Variants in WDR45B observed in about 807,000 individuals in gnomAD.
WDR45B encodes WD repeat domain 45B, also known as WD repeat domain phosphoinositide-interacting protein 3.
In WDR45B, 20 loss-of-function variants were observed where a neutral mutation model predicts 44.6. The observed-to-expected ratio is 0.45, with a 90% CI of 0.32 to 0.65. The LOEUF is 0.65. WDR45B is among the 30% of genes least tolerant of loss of function. The pLI is 0.05. For missense variants in WDR45B, 323 were observed against 430.2 expected (o/e 0.75, Z 2.20); for synonymous variants, 169 against 164.9 (o/e 1.02, Z -0.19).
chr17:82,626,468 G>C (rs1309970999), intron 4 of WDR45B, among the ~76,000 whole-genome samples: 1 of 139,034 alleles, frequency 7.2e-6, no homozygotes, highest in Non-Finnish European at 1.5e-5. Context: ...GGGAGGCAGA[G>C]GTTACAGTGA....
At chr17:82,640,765 C>T (rs932426643) in intron 2 of WDR45B, among the ~76,000 whole-genome samples, 2 of 152,116 alleles carry the variant, frequency 1.3e-5, no homozygotes, top group East Asian at 3.8e-4. Flanking sequence ...CACATTAGGG[C>T]CTATCTACTC....
intron 5 of WDR45B, 52 bp downstream of exon 5, chr17:82,625,337 C>T: frequency 6.5e-7 from 1 of 1,537,986 alleles, no homozygotes; most frequent in Non-Finnish European, 9.0e-7. Flanking sequence ...CCAGCACAGG[C>T]ATCTCCATGT....
intron 2 of WDR45B, among the ~76,000 whole-genome samples, chr17:82,635,716 C>A (rs376625862): frequency 6.6e-6 from 1 of 151,922 alleles, no homozygotes; most frequent in South Asian, 2.1e-4. Context: ...AGCCACTGTG[C>A]GCAGCCGTCT....
At chr17:82,616,815 A>T (rs1007508333) in intron 8 of WDR45B, among the ~76,000 whole-genome samples, 170 bp from the exon 9 acceptor site, 5 of 151,130 alleles carry the variant, frequency 3.3e-5, no homozygotes, top group South Asian at 2.1e-4. Context: ...AATTTTATTT[A>T]AAAAAAAAAT....
chr17:82,626,777 C>T (rs2045704389), intron 4 of WDR45B: 4 of 258,648 alleles, frequency 1.5e-5, no homozygotes, highest in South Asian at 4.7e-5. Flanking sequence ...CCACCTGCTA[C>T]TTTCAACACA....
intron 2 of WDR45B, among the ~76,000 whole-genome samples, chr17:82,643,208 A>G (rs1381146112): frequency 6.6e-6 from 1 of 152,126 alleles, no homozygotes; most frequent in Non-Finnish European, 1.5e-5. Flanking sequence ...GCCGAGGTGC[A>G]TGGATCATGA....
At chr17:82,643,649 G>A (rs185451053) in intron 2 of WDR45B, among the ~76,000 whole-genome samples, 113 of 152,312 alleles carry the variant, frequency 7.4e-4, no homozygotes, top group Admixed American at 1.1e-3. Context: ...TACTTGAAAA[G>A]AGGTTTCTGC....
Position 82,615,983 on chromosome 17 carries a change from G to A in WDR45B, c.971C>T (p.Pro324Leu), listed in dbSNP as rs1465576012. The A allele has an allele frequency of 6.2e-7, 1 of 1,613,844 alleles. No homozygotes were observed. Among genetic ancestry groups the A allele is most frequent in the East Asian group, 2.2e-5 (1 of 44,850 alleles). The change falls in exon 10 of 10, where the codon CCC (proline) becomes CTC (leucine). Residue 324 changes from proline (P) to leucine (L), a missense_variant. Physicochemically the swap from Pro to Leu is moderately conservative, Grantham distance 98 (BLOSUM62 -3). Transcript: ENST00000392325. The part of the protein sequence containing the change: ...DGSYYKFLFN[P>L]KGECIRDVYA... ...GACATCTCGGATGCACTCCCCCTTG[G>A]GGTTGAACAGGAATTTGTAGTAGCT... is the stretch of plus-strand genomic sequence containing the variant.
chr17:82,641,953 A>G (rs1220780506), intron 2 of WDR45B, among the ~76,000 whole-genome samples: 1 of 139,056 alleles, frequency 7.2e-6, no homozygotes, highest in African/African-American at 2.5e-5. Flanking sequence ...GTGGGAAAAA[A>G]GAGAAAAAAA....
At chr17:82,627,153 C>T in intron 4 of WDR45B, 51 bp downstream of exon 4, 1 of 1,393,836 alleles carries the variant, frequency 7.2e-7, no homozygotes, top group Non-Finnish European at 1.0e-6. Context: ...TTTCAGCCAT[C>T]TTTTGAGAAA....
rs143476986 is a variant in WDR45B at position 82,615,730 on chromosome 17, G to A, written c.*189C>T. ...GCCACTGAGTTACCTACGGTGCCTT[G>A]ATGATGATTCTCTCTTTAATACTGG... On this transcript the variant is annotated 3_prime_UTR_variant, in exon 10 of 10. Coordinates refer to ENST00000392325, the MANE Select transcript of WDR45B (RefSeq NM_019613.4). 1.2e-4 allele frequency: 77 copies of A among 620,552 alleles called. No individual in the cohort carries two copies. The East Asian group carries it at 2.1e-3, about 17-fold the overall frequency. 38.4% of individuals were successfully genotyped at this position (620,552 alleles called of 1,614,324 possible).
intron 5 of WDR45B, among the ~76,000 whole-genome samples, chr17:82,624,568 T>C (rs1437498320): frequency 6.6e-6 from 1 of 151,052 alleles, no homozygotes; most frequent in Non-Finnish European, 1.5e-5. Context: ...CCGACTGTTC[T>C]GTCTTGACTG....
At position 82,615,771 on chromosome 17, in the gene WDR45B, G is replaced by A; in HGVS notation, c.*148C>T. 8.3e-6 allele frequency: 6 copies of A among 722,304 alleles called. No homozygotes were observed. Among genetic ancestry groups the A allele is most frequent in the Admixed American group, 2.1e-5 (1 of 46,772 alleles). 44.7% of individuals were successfully genotyped at this position (722,304 alleles called of 1,614,324 possible). On this transcript the variant is annotated 3_prime_UTR_variant, in exon 10 of 10. Transcript: ENST00000392325. ...TTAATACTGGAAATGGGAGTCCTTA[G>A]GAAAGCAGACAACCACGTATGGCTT...
At chr17:82,634,265 G>A (rs565398046) in intron 2 of WDR45B, among the ~76,000 whole-genome samples, 7 of 150,950 alleles carry the variant, frequency 4.6e-5, no homozygotes, top group East Asian at 2.0e-4. Context: ...CGAGGCAGGC[G>A]AATCATGAGG....
intron 1 of WDR45B, among the ~76,000 whole-genome samples, chr17:82,647,649 G>A (rs994593281): frequency 1.6e-4 from 24 of 152,118 alleles, no homozygotes; most frequent in African/African-American, 2.9e-4. Context: ...AAATCCCGGG[G>A]AGTGGGGGTG....
At chr17:82,646,471 G>A (rs1293976648) in intron 1 of WDR45B, among the ~76,000 whole-genome samples, 1 of 73,262 alleles carries the variant, frequency 1.4e-5, no homozygotes, top group Non-Finnish European at 2.5e-5. Flanking sequence ...TGGGCAACAA[G>A]AGCGAAAACT....
At chr17:82,624,050 G>C (rs1302303693) in intron 5 of WDR45B, among the ~76,000 whole-genome samples, 1 of 152,040 alleles carries the variant, frequency 6.6e-6, no homozygotes, top group South Asian at 2.1e-4. Context: ...CCGGGCAGTC[G>C]AACCCTCAGG....
At chr17:82,640,969 G>GTTTTTTTTTTTTT (rs398031785) in intron 2 of WDR45B, among the ~76,000 whole-genome samples, 1 of 131,858 alleles carries the variant, frequency 7.6e-6, no homozygotes, top group Non-Finnish European at 1.6e-5. Flanking sequence ...TCTTGTCTGG[G>GTTTTTTTTTTTTT]TTTTTTTTTT....
In WDR45B at chr17:82,648,299, G is replaced by A; in HGVS notation, c.42C>T (p.Leu14=). Reference sequence around the variant, plus strand: ...CGTGGTCCTGGTTGAAGCCGGCGTAGAGCAGCCCGTTGCCGTGAGGGTTAC... The same window carrying A: ...CGTGGTCCTGGTTGAAGCCGGCGTAAAGCAGCCCGTTGCCGTGAGGGTTAC... ...LPCNPHGNGL[L]YAGFNQDHGC... is the part of the protein sequence containing the mutation. Residue 14 remains leucine (L), a synonymous_variant, in exon 1 of 10, where the codon CTC becomes CTT. Coordinates refer to ENST00000392325, the MANE Select transcript of WDR45B (RefSeq NM_019613.4). 6.2e-7 allele frequency: 1 copy of A among 1,607,222 alleles called. No individual in the cohort carries two copies.
Sources: gnomAD v4.1 joint callset for allele counts (sites outside exome capture counted in the v4.1 genomes callset) on GRCh38, gnomAD v4.1.1 for gene constraint, MANE v1.5 for transcripts, NCBI Gene and HGNC (gene_info 2026-07-23, HGNC 2026-07-21) for gene names.